KLHL3: variants seen among roughly 807,000 people sequenced by gnomAD.
KLHL3 encodes the protein kelch-like protein 3.
Under a neutral mutation model 70.5 loss-of-function variants are expected in KLHL3, and 19 were observed. That is an observed-to-expected ratio of 0.27 (90% CI 0.19 to 0.40). The LOEUF (loss-of-function observed/expected upper bound fraction) is 0.40, where lower values mean the gene tolerates loss of function less well. KLHL3 is among the 10% of genes least tolerant of loss of function. The pLI is 1.00. For synonymous variants in KLHL3, 258 were observed against 290.3 expected (o/e 0.89, Z 1.13); for missense variants, 512 against 771.1 (o/e 0.66, Z 3.98).
At chr5:137,690,306 G>A (rs568785517) in intron 5 of KLHL3, among the ~76,000 whole-genome samples, 7 of 141,170 alleles carry the variant, frequency 5.0e-5, no homozygotes, top group African/African-American at 1.6e-4. Context: ...CAGCCCAGGC[G>A]ACAGAGCGAG....
At chr5:137,646,215 T>C (rs992037388) in intron 8 of KLHL3, among the ~76,000 whole-genome samples, 4 of 152,034 alleles carry the variant, frequency 2.6e-5, no homozygotes, top group Admixed American at 1.3e-4. Context: ...ATCTGGGAAA[T>C]GCAAATGAAA....
intron 13 of KLHL3, chr5:137,628,017 T>C: frequency 2.6e-6 from 1 of 387,744 alleles, no homozygotes; most frequent in Non-Finnish European, 4.7e-6. Flanking sequence ...CCAGAGGACT[T>C]TCCCAGGTCT....
intron 1 of KLHL3, among the ~76,000 whole-genome samples, chr5:137,734,824 C>G (rs1329461796): frequency 1.3e-5 from 2 of 152,190 alleles, no homozygotes; most frequent in Non-Finnish European, 2.9e-5. Context: ...AGGAATGTCA[C>G]CTCTGCACTG....
chr5:137,699,414 C>T (rs1752519925), intron 3 of KLHL3, among the ~76,000 whole-genome samples: 1 of 152,080 alleles, frequency 6.6e-6, no homozygotes, highest in Non-Finnish European at 1.5e-5. Flanking sequence ...GACTTTATCC[C>T]AGGTGTAGCA....
At chr5:137,719,910 T>C (rs1218777871) in intron 2 of KLHL3, among the ~76,000 whole-genome samples, 1 of 152,178 alleles carries the variant, frequency 6.6e-6, no homozygotes, top group East Asian at 1.9e-4. Flanking sequence ...CCATAAAGGA[T>C]TTTTCCCCTG....
intron 8 of KLHL3, among the ~76,000 whole-genome samples, chr5:137,652,489 A>G (rs1751226179): frequency 6.6e-6 from 1 of 152,278 alleles, no homozygotes; most frequent in South Asian, 2.1e-4. Context: ...GCCTTAAAAA[A>G]GAAGGAAATC....
chr5:137,640,252 G>C (rs1437071317), intron 8 of KLHL3, among the ~76,000 whole-genome samples: 1 of 152,174 alleles, frequency 6.6e-6, no homozygotes, highest in East Asian at 1.9e-4. Flanking sequence ...AGCCGCACAG[G>C]GCATCATCTG....
chr5:137,719,093 G>A (rs2149934432), intron 2 of KLHL3, among the ~76,000 whole-genome samples: 1 of 152,272 alleles, frequency 6.6e-6, no homozygotes. Context: ...TTCAGCTCAA[G>A]CATCAACCCT....
intron 13 of KLHL3, among the ~76,000 whole-genome samples, chr5:137,627,294 T>C (rs1750492208): frequency 6.6e-6 from 1 of 152,194 alleles, no homozygotes; most frequent in Non-Finnish European, 1.5e-5. Flanking sequence ...ATTTTTGTTA[T>C]TAAAAAATAG....
chr5:137,661,729 T>C (rs536111386), intron 7 of KLHL3, 186 bp downstream of exon 7: 18 of 502,192 alleles, frequency 3.6e-5, no homozygotes, highest in African/African-American at 3.5e-4. Context: ...AACCTAAGTG[T>C]CCTATTTTCA....
At chr5:137,695,887 G>A (rs1471976851) in intron 4 of KLHL3, among the ~76,000 whole-genome samples, 4 of 152,188 alleles carry the variant, frequency 2.6e-5, no homozygotes, top group Non-Finnish European at 5.9e-5. Context: ...CAGAGGAGTA[G>A]TTGGCCAAAT....
intron 1 of KLHL3, among the ~76,000 whole-genome samples, chr5:137,722,888 C>A (rs553480548): frequency 1.3e-5 from 2 of 152,122 alleles, no homozygotes; most frequent in Non-Finnish European, 2.9e-5. Flanking sequence ...AGGCTGTTCT[C>A]GAACTCCTGG....
chr5:137,731,220 T>C (rs1753168229), intron 1 of KLHL3, among the ~76,000 whole-genome samples: 1 of 152,220 alleles, frequency 6.6e-6, no homozygotes, highest in South Asian at 2.1e-4. Context: ...GTTTTTGCAG[T>C]TGAAAACCTT....
chr5:137,712,016 G>A (rs543835223), intron 2 of KLHL3, among the ~76,000 whole-genome samples: 22 of 151,274 alleles, frequency 1.5e-4, no homozygotes, highest in African/African-American at 3.4e-4. Flanking sequence ...AAAAAAGCCC[G>A]GTGTGGTGGC....
rs529085120 is a variant in KLHL3, at chr5:137,657,016, TA to T, written c.903+1114del. On this transcript the variant is annotated intron_variant, in intron 8 of 14. Transcript: ENST00000309755. ...GATAACCTCAGCACTCAATAAAGGT[TA>T]GCTGCTTGTATTATTATCTGGGACA... is the stretch of plus-strand genomic sequence containing the variant. Among the ~76,000 whole-genome samples, 240 of 152,368 alleles carry T rather than the reference TA, an allele frequency of 1.6e-3. 1 individual carries two copies. Among genetic ancestry groups the T allele is most frequent in the African/African-American group, 5.6e-3 (233 of 41,586 alleles).
At position 137,618,140 on chromosome 5, in the gene KLHL3, C is replaced by T. The variant is rs941578800; in HGVS notation, c.*3958G>A. 6.6e-6 allele frequency: 1 copy of T among 152,552 alleles called. No homozygotes were observed. The highest frequency in any genetic ancestry group is 2.4e-5 in the African/African-American group (1 of 41,416). The allele number at this position is 152,552 out of a possible 1,614,324, so 9.4% of individuals were successfully genotyped here. ...TCAGTAGAAACACAGCACAGCTGAA[C>T]ATGAGGGGCTTAGGACTCTAAATAG... On this transcript the variant is annotated 3_prime_UTR_variant, in exon 15 of 15. Coordinates refer to ENST00000309755, the MANE Select transcript of KLHL3 (RefSeq NM_017415.3).
chr5:137,640,940 G>A (rs1360709474), intron 8 of KLHL3, among the ~76,000 whole-genome samples: 2 of 152,202 alleles, frequency 1.3e-5, no homozygotes, highest in Admixed American at 6.5e-5. Flanking sequence ...ACACTTACAT[G>A]TGTCTTCTGG....
At chr5:137,697,840 T>A (rs1752481141) in intron 4 of KLHL3, among the ~76,000 whole-genome samples, 1 of 152,244 alleles carries the variant, frequency 6.6e-6, no homozygotes. Context: ...GTTCCAATTA[T>A]AGACTTCTAC....
At chr5:137,634,782 G>A (rs1750727161) in intron 11 of KLHL3, among the ~76,000 whole-genome samples, 1 of 152,130 alleles carries the variant, frequency 6.6e-6, no homozygotes, top group Non-Finnish European at 1.5e-5. Context: ...AGAGCCCTGA[G>A]GTGCCGTCAT....
Sources: allele counts gnomAD v4.1 joint callset (sites outside exome capture counted in the v4.1 genomes callset), GRCh38; gene constraint gnomAD v4.1.1; transcripts MANE v1.5; gene names NCBI Gene and HGNC (gene_info 2026-07-23, HGNC 2026-07-21).